LRP1B: variants seen among roughly 807,000 people sequenced by gnomAD.
LRP1B encodes the protein low-density lipoprotein receptor-related protein 1B.
In LRP1B, 217 loss-of-function variants were observed where a neutral mutation model predicts 556.6. The ratio of observed to expected loss-of-function variants is 0.39; its 90% confidence interval spans 0.35 to 0.44. The LOEUF is 0.44. Among genes scored for constraint, LRP1B ranks in the 20% least tolerant of loss-of-function variants. LRP1B has a pLI of 1.00. For synonymous variants in LRP1B, 2,047 were observed against 1,865.8 expected, an observed-to-expected ratio of 1.10 and a Z score of -2.50; for missense variants, 5,053 against 5,620.8, an observed-to-expected ratio of 0.90 and a Z score of 3.23.
At chr2:141,585,752 C>G (rs1172694752) in intron 2 of LRP1B, among the ~76,000 whole-genome samples, 2 of 152,170 alleles carry the variant, frequency 1.3e-5, no homozygotes, top group Admixed American at 1.3e-4. Flanking sequence ...ATGTTACCCA[C>G]TCCAATATTT....
intron 43 of LRP1B, among the ~76,000 whole-genome samples, chr2:140,547,958 G>GGA (rs1680407037): frequency 7.2e-6 from 1 of 139,264 alleles, no homozygotes; most frequent in East Asian, 2.1e-4. Flanking sequence ...CCTGTAATCA[G>GGA]GAAAAAAAAA....
chr2:141,506,883 C>T (rs927733542), intron 2 of LRP1B, among the ~76,000 whole-genome samples: 2 of 151,850 alleles, frequency 1.3e-5, no homozygotes, highest in Admixed American at 1.3e-4. Context: ...GTTCTAATTG[C>T]CTTTGGAATA....
At chr2:140,766,556 T>G (rs973831216) in intron 35 of LRP1B, among the ~76,000 whole-genome samples, 4 of 151,836 alleles carry the variant, frequency 2.6e-5, no homozygotes, top group Non-Finnish European at 5.9e-5. Context: ...GTTAGCCTCT[T>G]AGATTTACAT....
chr2:141,984,844 A>C (rs1471075423), intron 1 of LRP1B, among the ~76,000 whole-genome samples: 1 of 152,122 alleles, frequency 6.6e-6, no homozygotes, highest in African/African-American at 2.4e-5. Flanking sequence ...AAAATCCTCC[A>C]AAATAGGCTA....
intron 41 of LRP1B, among the ~76,000 whole-genome samples, chr2:140,677,375 C>A (rs78908120): frequency 0.015 from 2,214 of 152,050 alleles, 62 homozygotes; most frequent in African/African-American, 0.051. Flanking sequence ...CGAAAGAGAG[C>A]AATTTGTTTA....
intron 3 of LRP1B, among the ~76,000 whole-genome samples, chr2:141,440,042 A>G (rs1680903484): frequency 6.6e-6 from 1 of 152,198 alleles, no homozygotes; most frequent in South Asian, 2.1e-4. Context: ...AACACATAAC[A>G]GCAACAACAA....
At chr2:140,649,267 T>TA (rs1684591138) in intron 41 of LRP1B, among the ~76,000 whole-genome samples, 1 of 152,214 alleles carries the variant, frequency 6.6e-6, no homozygotes, top group South Asian at 2.1e-4. Context: ...TTCCTCCACT[T>TA]ACTACAGTCA....
chr2:141,479,602 T>TA (rs969387580), intron 3 of LRP1B, among the ~76,000 whole-genome samples: 3 of 152,150 alleles, frequency 2.0e-5, no homozygotes, highest in Non-Finnish European at 4.4e-5. Context: ...GAATCTGAGT[T>TA]AAAGACTTCC....
At chr2:140,234,087 C>CA (rs1680587408) in intron 90 of LRP1B, among the ~76,000 whole-genome samples, 1 of 151,104 alleles carries the variant, frequency 6.6e-6, no homozygotes, top group Non-Finnish European at 1.5e-5. Context: ...TTCGTCTTTC[C>CA]AAAAACAGTA....
intron 3 of LRP1B, among the ~76,000 whole-genome samples, chr2:141,293,284 T>C (rs961484126): frequency 6.6e-6 from 1 of 152,174 alleles, no homozygotes; most frequent in Non-Finnish European, 1.5e-5. Flanking sequence ...TACATAGCAA[T>C]GCACATCTGT....
intron 40 of LRP1B, 141 bp downstream of exon 40, chr2:140,701,580 T>C (rs1686643079): frequency 2.5e-6 from 2 of 802,948 alleles, no homozygotes; most frequent in African/African-American, 3.5e-5. Context: ...TACTATATGA[T>C]ACTTGCAGGA....
At chr2:141,839,530 G>A (rs898699390) in intron 1 of LRP1B, among the ~76,000 whole-genome samples, 3 of 152,162 alleles carry the variant, frequency 2.0e-5, no homozygotes, top group African/African-American at 7.2e-5. Context: ...CTTGTGGCTA[G>A]TCACTATAAA....
intron 32 of LRP1B, among the ~76,000 whole-genome samples, chr2:140,781,187 C>T (rs1689686322): frequency 6.6e-6 from 1 of 152,106 alleles, no homozygotes; most frequent in African/African-American, 2.4e-5. Flanking sequence ...ACCAAAGGAG[C>T]TTGTGCTCAT....
At chr2:141,514,096 C>T (rs567285654) in intron 2 of LRP1B, among the ~76,000 whole-genome samples, 14 of 152,232 alleles carry the variant, frequency 9.2e-5, no homozygotes, top group South Asian at 2.1e-4. Flanking sequence ...CCCCTGGTGA[C>T]AACCTTACCT....
chr2:142,115,386 G>A (rs1308844445), intron 1 of LRP1B, among the ~76,000 whole-genome samples: 8 of 144,518 alleles, frequency 5.5e-5, no homozygotes, highest in African/African-American at 2.1e-4. Flanking sequence ...AACAATTTGA[G>A]TGAGAAAATA....
At chr2:141,523,633 C>T (rs937483612) in intron 2 of LRP1B, among the ~76,000 whole-genome samples, 1 of 152,042 alleles carries the variant, frequency 6.6e-6, no homozygotes, top group Admixed American at 6.6e-5. Flanking sequence ...TCAAAATTCC[C>T]CTTCCTTTTT....
rs78363314 is a variant in LRP1B, at chr2:140,940,334, T to C, written c.3136+9901A>G. 5.3e-3 allele frequency among the ~76,000 whole-genome samples: 811 copies of C among 152,272 alleles called. 10 individuals are homozygous for C. Among genetic ancestry groups the C allele is most frequent in the Middle Eastern group, 0.014 (4 of 294 alleles). ...TAGTTGAGATTTCCCTAAAAAAGTG[T>C]AGTGAAAGTTTACATAATTCAGATG... On this transcript the variant is annotated intron_variant, in intron 20 of 90. Coordinates refer to ENST00000389484, the MANE Select transcript of LRP1B (RefSeq NM_018557.3).
At chr2:140,352,406 T>A (rs1041279156) in intron 76 of LRP1B, among the ~76,000 whole-genome samples, 2 of 152,026 alleles carry the variant, frequency 1.3e-5, no homozygotes, top group African/African-American at 4.8e-5. Flanking sequence ...GAACTCCTGA[T>A]CTCGTGATCC....
chr2:140,356,593 G>T, intron 74 of LRP1B, 117 bp from the exon 75 acceptor site: 1 of 678,432 alleles, frequency 1.5e-6, no homozygotes, highest in Non-Finnish European at 2.5e-6. Flanking sequence ...CTTTTTGAAT[G>T]TACAAGGTTA....
Sources: gnomAD v4.1 joint callset for allele counts (sites outside exome capture counted in the v4.1 genomes callset) on GRCh38, gnomAD v4.1.1 for gene constraint, MANE v1.5 for transcripts, NCBI Gene and HGNC (gene_info 2026-07-23, HGNC 2026-07-21) for gene names.